Variants in NIBAN1 observed in about 807,000 individuals in gnomAD.
NIBAN1 encodes protein Niban 1.
In NIBAN1, 81 loss-of-function variants were observed where a neutral mutation model predicts 75.1. The ratio of observed to expected loss-of-function variants is 1.08; its 90% CI spans 0.90 to 1.30. The LOEUF is 1.30. Among genes scored for constraint, NIBAN1 ranks in the 50% most tolerant of loss-of-function variants. The pLI is 0.00. For synonymous variants in NIBAN1, 436 were observed against 424.8 expected, an observed-to-expected ratio of 1.03 and a Z score of -0.32; for missense variants, 1,133 against 1,128.1, an observed-to-expected ratio of 1.00 and a Z score of -0.06.
Position 184,823,654 on chromosome 1 carries a change from T to C in NIBAN1, c.806A>G (p.Lys269Arg). The C allele has an allele frequency of 6.2e-7, 1 of 1,614,194 alleles. No individual in the cohort carries two copies. Among genetic ancestry groups the C allele is most frequent in the African/African-American group, 1.3e-5 (1 of 75,058 alleles). The part of the protein sequence containing the change: ...PKMKGKKNDR[K>R]RTWLGLLEEA... ...ATTGCTTACACCAAGCCACGTCCTC[T>C]TTCTGTCATTCTTCTTCCCCTTCAT... The change falls in exon 7 of 14, where the codon AAG (lysine) becomes AGG (arginine). Residue 269 changes from lysine (K) to arginine (R), a missense_variant. Transcript: ENST00000367511.
chr1:184,965,962 C>T (rs976158096), intron 1 of NIBAN1, among the ~76,000 whole-genome samples: 1 of 152,128 alleles, frequency 6.6e-6, no homozygotes, highest in Admixed American at 6.5e-5. Flanking sequence ...AGTCTTTCAA[C>T]AGATAATCTG....
intron 5 of NIBAN1, among the ~76,000 whole-genome samples, chr1:184,842,910 A>T (rs893011302): frequency 4.6e-5 from 7 of 152,018 alleles, no homozygotes; most frequent in Admixed American, 2.6e-4. Flanking sequence ...TTGAGAAAAA[A>T]AAAATGACAC....
intron 5 of NIBAN1, among the ~76,000 whole-genome samples, chr1:184,839,207 T>C (rs1655215743): frequency 6.6e-6 from 1 of 152,176 alleles, no homozygotes; most frequent in African/African-American, 2.4e-5. Context: ...GAAGGCTAAA[T>C]AGTTTCTTTA....
intron 1 of NIBAN1, among the ~76,000 whole-genome samples, chr1:184,909,118 CA>C (rs1436924198): frequency 6.6e-6 from 1 of 152,016 alleles, no homozygotes; most frequent in East Asian, 1.9e-4. Flanking sequence ...CAGATTATTC[CA>C]AAATCCTGAA....
intron 5 of NIBAN1, among the ~76,000 whole-genome samples, chr1:184,870,869 T>G (rs1019815622): frequency 2.0e-5 from 3 of 152,172 alleles, no homozygotes; most frequent in African/African-American, 7.2e-5. Flanking sequence ...GGCAACAACG[T>G]AAGACCTGTT....
intron 1 of NIBAN1, among the ~76,000 whole-genome samples, chr1:184,973,826 G>A (rs1221939923): frequency 6.6e-6 from 1 of 152,264 alleles, no homozygotes; most frequent in African/African-American, 2.4e-5. Flanking sequence ...TGCGAGCGAA[G>A]CTGCGGCCAA....
At chr1:184,943,026 C>T (rs186798278) in intron 1 of NIBAN1, among the ~76,000 whole-genome samples, 3 of 152,346 alleles carry the variant, frequency 2.0e-5, no homozygotes. Flanking sequence ...GATATCTCTT[C>T]TTATAATTTG....
Position 184,808,228 on chromosome 1 carries a change from T to C in NIBAN1, c.1181A>G (p.Asp394Gly). 6.2e-7 allele frequency: 1 copy of C among 1,613,748 alleles called. No homozygotes were observed. The highest frequency in any genetic ancestry group is 1.1e-5 in the South Asian group (1 of 91,064). Reference protein sequence around the residue: ...KDSVQLKEHLDRLMNLPLHSV... With the variant: ...KDSVQLKEHLGRLMNLPLHSV... ...ATGCAGCGGAAGATTCATAAGCCGG[T>C]CTAGATGCTGCATTTTGGTGAAGGG... Residue 394 changes from aspartate to glycine, a missense_variant, in exon 10 of 14, where the codon GAC (aspartate) becomes GGC (glycine). Asp to Gly is a moderately conservative substitution (Grantham distance 94). Coordinates refer to ENST00000367511, the MANE Select transcript of NIBAN1 (RefSeq NM_052966.4).
chr1:184,912,933 C>T (rs1199486537), intron 1 of NIBAN1, among the ~76,000 whole-genome samples: 1 of 152,012 alleles, frequency 6.6e-6, no homozygotes, highest in Non-Finnish European at 1.5e-5. Flanking sequence ...CCCATTGGCC[C>T]CAGGCCTACT....
At chr1:184,879,041 A>C (rs894366126) in intron 5 of NIBAN1, among the ~76,000 whole-genome samples, 1 of 152,228 alleles carries the variant, frequency 6.6e-6, no homozygotes, top group Non-Finnish European at 1.5e-5. Flanking sequence ...TGAGGCAAAG[A>C]GCACAGGCTA....
chr1:184,859,167 T>C (rs1370097944), intron 5 of NIBAN1, among the ~76,000 whole-genome samples: 1 of 151,942 alleles, frequency 6.6e-6, no homozygotes, highest in African/African-American at 2.4e-5. Flanking sequence ...AAATTGTGTG[T>C]ATGTATATAT....
chr1:184,876,659 C>T (rs1011541864), intron 5 of NIBAN1, among the ~76,000 whole-genome samples: 3 of 151,740 alleles, frequency 2.0e-5, no homozygotes, highest in Admixed American at 6.6e-5. Flanking sequence ...CCAGATAGCA[C>T]CACTGCACTC....
At chr1:184,873,546 T>A (rs1656163223) in intron 5 of NIBAN1, among the ~76,000 whole-genome samples, 1 of 152,202 alleles carries the variant, frequency 6.6e-6, no homozygotes, top group African/African-American at 2.4e-5. Flanking sequence ...AATGCCAAGA[T>A]GAATCTGCAC....
rs1553229157 is a variant in NIBAN1, at chr1:184,931,002, T to TC, written c.56-31694_56-31693insG. Among the ~76,000 whole-genome samples the TC allele has an allele frequency of 2.7e-3, 290 of 105,692 alleles. 1 individual carries two copies. The highest frequency in any genetic ancestry group is 0.022 in the African/African-American group (271 of 12,580). The allele number at this position is 105,692 out of a possible 152,430, so 69.3% of individuals were successfully genotyped here. ...TAAGTGCACTTTTTCTTCTTCTTTT[T>TC]TTTTTTTTTTTTTTTGAGACTGAGT... On this transcript the variant is annotated intron_variant, in intron 1 of 13. Transcript: ENST00000367511.
intron 5 of NIBAN1, among the ~76,000 whole-genome samples, chr1:184,866,131 A>T (rs1301408249): frequency 6.6e-6 from 1 of 152,216 alleles, no homozygotes; most frequent in Non-Finnish European, 1.5e-5. Context: ...AGATGGGCAT[A>T]GACTTGGCTT....
At chr1:184,812,046 G>C (rs138041721) in intron 9 of NIBAN1, among the ~76,000 whole-genome samples, 2 of 152,292 alleles carry the variant, frequency 1.3e-5, no homozygotes, top group African/African-American at 4.8e-5. Flanking sequence ...CTACTAACTA[G>C]TGGCCATCAG....
chr1:184,892,865 G>A (rs1190781768), intron 3 of NIBAN1, among the ~76,000 whole-genome samples: 11 of 151,990 alleles, frequency 7.2e-5, no homozygotes, highest in African/African-American at 1.9e-4. Flanking sequence ...TCAACCTCCC[G>A]AGTTCAAGTG....
chr1:184,920,245 G>A (rs1053684873), intron 1 of NIBAN1, among the ~76,000 whole-genome samples: 11 of 152,246 alleles, frequency 7.2e-5, no homozygotes, highest in South Asian at 2.1e-4. Flanking sequence ...TATTTGAAGC[G>A]ATCATAAGAC....
rs528274791 is a variant in NIBAN1 at position 184,867,212 on chromosome 1, A to C, written c.601+17421T>G. Among the ~76,000 whole-genome samples the C allele has an allele frequency of 2.5e-4, 38 of 151,618 alleles. 1 individual carries two copies. Among genetic ancestry groups the C allele is most frequent in the African/African-American group, 8.0e-4 (33 of 41,310 alleles). Reference sequence around the variant, plus strand: ...TACACACAAACACACACACACACACACCCCAAAAGTGTCTCAGCTATAATA... The same window carrying C: ...TACACACAAACACACACACACACACCCCCCAAAAGTGTCTCAGCTATAATA... On this transcript the variant is annotated intron_variant, in intron 5 of 13. Transcript: ENST00000367511.
Sources: gnomAD v4.1 joint callset for allele counts (sites outside exome capture counted in the v4.1 genomes callset) on GRCh38, gnomAD v4.1.1 for gene constraint, MANE v1.5 for transcripts, NCBI Gene and HGNC (gene_info 2026-07-23, HGNC 2026-07-21) for gene names.